Variants in ASTN2 observed in about 807,000 individuals in gnomAD.
The protein encoded by ASTN2 is astrotactin-2.
ASTN2 carries 54 observed loss-of-function variants against 139.8 expected under a neutral mutation model. The observed-to-expected ratio is 0.39, with a 90% CI of 0.31 to 0.48. The LOEUF (loss-of-function observed/expected upper bound fraction) is 0.48. Ranked by LOEUF, ASTN2 falls within the 20% of genes least tolerant of loss-of-function variation. ASTN2 has a pLI of 0.95. For missense variants in ASTN2, 1,565 were observed against 1,725.1 expected (o/e 0.91, Z 1.64); for synonymous variants, 756 against 719.5 (o/e 1.05, Z -0.81).
chr9:116,847,396 G>C (rs1446567478), intron 11 of ASTN2, among the ~76,000 whole-genome samples: 1 of 152,136 alleles, frequency 6.6e-6, no homozygotes, highest in African/African-American at 2.4e-5. Flanking sequence ...TTACAGGCAT[G>C]AGCCACCGTG....
At chr9:116,855,989 A>G (rs963375275) in intron 11 of ASTN2, among the ~76,000 whole-genome samples, 1 of 152,124 alleles carries the variant, frequency 6.6e-6, no homozygotes, top group African/African-American at 2.4e-5. Flanking sequence ...CAAGGTATTC[A>G]ATACATATAG....
intron 13 of ASTN2, among the ~76,000 whole-genome samples, chr9:116,751,455 T>C (rs1005838690): frequency 3.9e-5 from 6 of 152,204 alleles, no homozygotes; most frequent in African/African-American, 1.4e-4. Flanking sequence ...AGTACCAGTG[T>C]TGCTGAATTG....
chr9:116,916,880 G>A (rs1030895786), intron 10 of ASTN2, among the ~76,000 whole-genome samples: 1 of 152,006 alleles, frequency 6.6e-6, no homozygotes, highest in African/African-American at 2.4e-5. Flanking sequence ...AATGTAGTTG[G>A]TCTTCCCTTT....
At chr9:117,330,074 T>G (rs2130846895) in intron 1 of ASTN2, among the ~76,000 whole-genome samples, 1 of 152,288 alleles carries the variant, frequency 6.6e-6, no homozygotes, top group South Asian at 2.1e-4. Context: ...GCCCTTACAC[T>G]TAATCCATCT....
chr9:116,688,537 G>A (rs1444845966), intron 16 of ASTN2, among the ~76,000 whole-genome samples: 1 of 152,118 alleles, frequency 6.6e-6, no homozygotes, highest in Non-Finnish European at 1.5e-5. Flanking sequence ...AAGGAGTGTG[G>A]TAATCCCTGT....
intron 13 of ASTN2, among the ~76,000 whole-genome samples, chr9:116,770,152 G>A (rs938222245): frequency 3.3e-5 from 5 of 151,828 alleles, no homozygotes; most frequent in African/African-American, 4.8e-5. Flanking sequence ...GAGAAAAGGA[G>A]GAGATCAACA....
At chr9:116,877,333 G>A (rs1366528807) in intron 10 of ASTN2, among the ~76,000 whole-genome samples, 1 of 151,980 alleles carries the variant, frequency 6.6e-6, no homozygotes, top group African/African-American at 2.4e-5. Flanking sequence ...TGGCTATGCT[G>A]AGCACTTGTT....
intron 16 of ASTN2, among the ~76,000 whole-genome samples, chr9:116,661,983 G>A (rs1858588938): frequency 1.3e-5 from 2 of 150,752 alleles, no homozygotes; most frequent in African/African-American, 4.9e-5. Context: ...TGCACATTGT[G>A]TACATGTACC....
intron 5 of ASTN2, among the ~76,000 whole-genome samples, chr9:117,078,974 G>A (rs375307481): frequency 4.6e-5 from 7 of 152,144 alleles, no homozygotes; most frequent in Admixed American, 2.6e-4. Flanking sequence ...GACCTCAGGC[G>A]ATCTGCCTGC....
intron 1 of ASTN2, among the ~76,000 whole-genome samples, chr9:117,374,410 G>T (rs183098498): frequency 2.2e-5 from 3 of 134,362 alleles, no homozygotes; most frequent in Non-Finnish European, 3.1e-5. Flanking sequence ...ATCGCAGCCC[G>T]CAAACATGAG....
chr9:116,974,872 A>G (rs1836301493), intron 10 of ASTN2, among the ~76,000 whole-genome samples: 1 of 152,086 alleles, frequency 6.6e-6, no homozygotes, highest in East Asian at 1.9e-4. Flanking sequence ...TACAACAGAA[A>G]ACATCCCATT....
At chr9:117,294,435 G>A (rs962521408) in intron 1 of ASTN2, among the ~76,000 whole-genome samples, 1 of 152,224 alleles carries the variant, frequency 6.6e-6, no homozygotes, top group African/African-American at 2.4e-5. Flanking sequence ...GGTATGAAAT[G>A]TTAAAGGGAA....
intron 17 of ASTN2, among the ~76,000 whole-genome samples, chr9:116,646,045 T>A (rs557439821): frequency 6.6e-6 from 1 of 152,180 alleles, no homozygotes; most frequent in African/African-American, 2.4e-5. Flanking sequence ...TCCCATGAAG[T>A]AGGGATTGTG....
At chr9:116,724,388 G>A (rs1001812382) in intron 16 of ASTN2, among the ~76,000 whole-genome samples, 1 of 152,136 alleles carries the variant, frequency 6.6e-6, no homozygotes, top group Admixed American at 6.5e-5. Flanking sequence ...GTTGCACACA[G>A]GAAGCAGAAA....
intron 2 of ASTN2, among the ~76,000 whole-genome samples, chr9:117,263,078 A>G (rs2133111703): frequency 6.6e-6 from 1 of 152,356 alleles, no homozygotes; most frequent in Middle Eastern, 3.4e-3. Context: ...TGTTGTTTCA[A>G]GCCTCTAAAT....
rs559592505 is a variant in ASTN2, at chr9:116,603,216, T to C, written c.3355+15108A>G. 2.6e-5 allele frequency among the ~76,000 whole-genome samples: 4 copies of C among 152,098 alleles called. No homozygotes were observed. The South Asian group carries it at 6.2e-4, about 24-fold the overall frequency. ...TATGAACCATGGACTCTACCATAGA[T>C]AGAAAAGTTGGAACTGATAGATGGA... On this transcript the variant is annotated intron_variant, in intron 19 of 22. Coordinates refer to ENST00000313400, the MANE Select transcript of ASTN2 (RefSeq NM_001365068.1).
Position 116,873,875 on chromosome 9 carries a change from C to G in ASTN2, c.1890-10142G>C, listed in dbSNP as rs115191214. 7.0e-3 allele frequency among the ~76,000 whole-genome samples: 1,073 copies of G among 152,270 alleles called. 8 individuals carry two copies. Among genetic ancestry groups the G allele is most frequent in the African/African-American group, 0.025 (1,020 of 41,556 alleles). The stretch of plus-strand genomic sequence containing the variant: ...GCCATGTAGGACATGTCTGCTCCCC[C>G]TTCCCCTTCTATCATGTTGTAAGTT... On this transcript the variant is annotated intron_variant, in intron 10 of 22. Transcript: ENST00000313400.
intron 1 of ASTN2, among the ~76,000 whole-genome samples, chr9:117,404,850 G>A (rs1348384526): frequency 1.3e-5 from 2 of 151,924 alleles, no homozygotes; most frequent in African/African-American, 4.8e-5. Flanking sequence ...GGAAGAAAAG[G>A]GGGAAAAAAA....
chr9:117,271,058 A>G (rs1834051846), intron 2 of ASTN2, among the ~76,000 whole-genome samples: 3 of 152,174 alleles, frequency 2.0e-5, no homozygotes. Flanking sequence ...GGCTACTAGC[A>G]CAGACCTGGG....
Sources: gnomAD v4.1 joint callset for allele counts (sites outside exome capture counted in the v4.1 genomes callset) on GRCh38, gnomAD v4.1.1 for gene constraint, MANE v1.5 for transcripts, NCBI Gene and HGNC (gene_info 2026-07-23, HGNC 2026-07-21) for gene names.